The following TAF12 variants were observed in gnomAD, a reference collection of about 807,000 sequenced individuals.
TAF12 encodes the protein TATA-box binding protein associated factor 12.
In TAF12, 3 loss-of-function variants were observed where a neutral mutation model predicts 20.8. The observed-to-expected ratio is 0.14, with a 90% CI of 0.07 to 0.37. The LOEUF (loss-of-function observed/expected upper bound fraction) is 0.37, where lower values mean the gene tolerates loss of function less well. Among genes scored for constraint, TAF12 ranks in the 10% least tolerant of loss-of-function variants. The probability of loss-of-function intolerance (pLI) is 1.00; values close to 1 mark genes in which losing one functional copy is unlikely to be tolerated. For synonymous variants in TAF12, 69 were observed against 70.2 expected (o/e 0.98, Z 0.09); for missense variants, 131 against 197.9 (o/e 0.66, Z 2.03).
intron 1 of TAF12, among the ~76,000 whole-genome samples, chr1:28,633,733 G>A (rs1316399407): frequency 6.6e-6 from 1 of 151,794 alleles, no homozygotes; most frequent in Non-Finnish European, 1.5e-5. Context: ...CCAACATGGT[G>A]AAACCCCGTC....
intron 1 of TAF12, 95 bp downstream of exon 1, chr1:28,642,897 A>C (rs1668084654): frequency 1.0e-6 from 1 of 985,968 alleles, no homozygotes; most frequent in South Asian, 4.7e-5. Context: ...CGTCTCGTCC[A>C]CAACCTGGTC....
chr1:28,636,042 C>A (rs1304942851), intron 1 of TAF12, among the ~76,000 whole-genome samples: 3 of 152,088 alleles, frequency 2.0e-5, no homozygotes, highest in East Asian at 3.9e-4. Flanking sequence ...TCTCTGGCTT[C>A]TAAATGTATC....
chr1:28,604,791 C>T (rs1421203097), intron 5 of TAF12, among the ~76,000 whole-genome samples: 1 of 152,158 alleles, frequency 6.6e-6, no homozygotes, highest in Non-Finnish European at 1.5e-5. Flanking sequence ...ACAGCCTTGT[C>T]AGAGGGAGGC....
chr1:28,637,875 G>A (rs1570340553), intron 1 of TAF12, among the ~76,000 whole-genome samples: 2 of 152,194 alleles, frequency 1.3e-5, no homozygotes, highest in Non-Finnish European at 2.9e-5. Context: ...TCTTCGCCAG[G>A]TGTCATGGTT....
In TAF12 at chr1:28,627,248, C is replaced by T. The variant is rs558778413; in HGVS notation, c.-84-5083G>A. On this transcript the variant is annotated intron_variant, in intron 1 of 5. Coordinates refer to ENST00000373824, the MANE Select transcript of TAF12 (RefSeq NM_005644.4). Reference sequence around the variant, plus strand: ...ACTAAAAATATAAAAATTAGCCGGGCGTGGTGGCACACGCCTGTAATCCGA... The same window carrying T: ...ACTAAAAATATAAAAATTAGCCGGGTGTGGTGGCACACGCCTGTAATCCGA... 3.0e-4 allele frequency among the ~76,000 whole-genome samples: 45 copies of T among 151,604 alleles called. No individual in the cohort carries two copies. The Middle Eastern group carries it at 0.017, about 57-fold the overall frequency.
At chr1:28,606,605 A>C (rs543092289) in intron 4 of TAF12, among the ~76,000 whole-genome samples, 2 of 152,314 alleles carry the variant, frequency 1.3e-5, no homozygotes, top group South Asian at 4.1e-4. Flanking sequence ...TCTTGCAAAG[A>C]AAAAGAGGTA....
chr1:28,631,811 A>G (rs2124367693), intron 1 of TAF12, among the ~76,000 whole-genome samples: 1 of 152,304 alleles, frequency 6.6e-6, no homozygotes, highest in Admixed American at 6.5e-5. Flanking sequence ...CCTATATAAA[A>G]TAGCTAAAAT....
chr1:28,643,712 C>T (rs1418020565), upstream of TAF12, among the ~76,000 whole-genome samples: 2 of 152,188 alleles, frequency 1.3e-5, no homozygotes, highest in Admixed American at 6.6e-5. Flanking sequence ...AAGCCAAAGC[C>T]TGTCCTGTAG....
chr1:28,618,377 T>TTTTTG (rs1047411112), intron 2 of TAF12, among the ~76,000 whole-genome samples: 2 of 152,048 alleles, frequency 1.3e-5, no homozygotes, highest in South Asian at 2.1e-4. Flanking sequence ...CAAGTTTGTT[T>TTTTTG]TTTTGTTTTG....
chr1:28,620,697 T>C (rs1667192936), intron 2 of TAF12, among the ~76,000 whole-genome samples: 1 of 152,130 alleles, frequency 6.6e-6, no homozygotes, highest in East Asian at 1.9e-4. Context: ...CCTCCCAAAG[T>C]GCTGGGATTA....
intron 1 of TAF12, among the ~76,000 whole-genome samples, chr1:28,636,320 AG>A (rs1484286290): frequency 6.6e-6 from 1 of 152,254 alleles, no homozygotes; most frequent in Admixed American, 6.5e-5. Flanking sequence ...CAACACAAAA[AG>A]ATCCTGTCTC....
chr1:28,604,191 C>T (rs1286972998), intron 5 of TAF12, among the ~76,000 whole-genome samples: 1 of 152,172 alleles, frequency 6.6e-6, no homozygotes, highest in Non-Finnish European at 1.5e-5. Context: ...AGGCATGAGC[C>T]ACTGCGCCTG....
chr1:28,643,205 G>A, upstream of TAF12: 4 of 723,486 alleles, frequency 5.5e-6, no homozygotes, highest in Non-Finnish European at 6.8e-6. Context: ...ATATTGAGCT[G>A]TGTGTAGGTA....
upstream of TAF12, among the ~76,000 whole-genome samples, chr1:28,645,114 C>T (rs1447264691): frequency 6.6e-6 from 1 of 151,808 alleles, no homozygotes; most frequent in Non-Finnish European, 1.5e-5. Context: ...CGGCTCACTG[C>T]AAGTTCCGCC....
intron 3 of TAF12, among the ~76,000 whole-genome samples, chr1:28,617,048 A>G (rs1570308186): frequency 1.3e-5 from 2 of 152,272 alleles, no homozygotes; most frequent in South Asian, 4.1e-4. Flanking sequence ...TGAACCCAGG[A>G]GGCGGAGGTT....
chr1:28,613,437 G>C, intron 3 of TAF12, 76 bp from the exon 4 acceptor site: 2 of 1,230,868 alleles, frequency 1.6e-6, no homozygotes, highest in Non-Finnish European at 2.3e-6. Flanking sequence ...ACTGCTTTCA[G>C]CTTGGATTGC....
At chr1:28,626,212 C>T (rs561984891) in intron 1 of TAF12, among the ~76,000 whole-genome samples, 3 of 151,448 alleles carry the variant, frequency 2.0e-5, no homozygotes, top group Admixed American at 2.0e-4. Flanking sequence ...CTCCTGACCT[C>T]GTGATCCACC....
chr1:28,615,652 C>T (rs1667010119), intron 3 of TAF12, among the ~76,000 whole-genome samples: 2 of 126,974 alleles, frequency 1.6e-5, no homozygotes, highest in Non-Finnish European at 3.1e-5. Flanking sequence ...GCACTCCAGC[C>T]TGGTCAACAG....
intron 1 of TAF12, among the ~76,000 whole-genome samples, chr1:28,639,744 A>G (rs918651495): frequency 1.3e-5 from 2 of 152,192 alleles, no homozygotes; most frequent in African/African-American, 4.8e-5. Context: ...AACCCTGGGG[A>G]AAAAATAGTA....
Sources: allele counts gnomAD v4.1 joint callset (sites outside exome capture counted in the v4.1 genomes callset), GRCh38; gene constraint gnomAD v4.1.1; transcripts MANE v1.5; gene names NCBI Gene and HGNC (gene_info 2026-07-23, HGNC 2026-07-21).